The following AKAP3 variants were observed in gnomAD, a reference collection of about 807,000 sequenced individuals.
AKAP3 encodes A-kinase anchoring protein 3.
Under a neutral mutation model 57.2 loss-of-function variants are expected in AKAP3, and 27 were observed. The observed-to-expected ratio is 0.47, with a 90% CI of 0.35 to 0.65. The LOEUF (loss-of-function observed/expected upper bound fraction) is 0.65, where lower values mean the gene tolerates loss of function less well. AKAP3 is among the 30% of genes least tolerant of loss of function. The pLI is 0.01. For missense variants in AKAP3, 959 were observed against 1,040.0 expected, an observed-to-expected ratio of 0.92 and a Z score of 1.07; for synonymous variants, 334 against 392.3, an observed-to-expected ratio of 0.85 and a Z score of 1.76.
intron 2 of AKAP3, among the ~76,000 whole-genome samples, chr12:4,642,930 C>T (rs1945654559): frequency 6.6e-6 from 1 of 152,192 alleles, no homozygotes; most frequent in East Asian, 1.9e-4. Flanking sequence ...AAACAGACGG[C>T]TTGCTCAAAT....
At chr12:4,643,189 C>T (rs1455217278) in intron 2 of AKAP3, among the ~76,000 whole-genome samples, 1 of 152,112 alleles carries the variant, frequency 6.6e-6, no homozygotes, top group Non-Finnish European at 1.5e-5. Flanking sequence ...ATTCTATTTT[C>T]TAGGTCCTAT....
chr12:4,626,359 G>T, intron 5 of AKAP3, 137 bp downstream of exon 5: 1 of 1,070,990 alleles, frequency 9.3e-7, no homozygotes, highest in Non-Finnish European at 1.3e-6. Flanking sequence ...ATCTCTGCCA[G>T]GAGGCATGAT....
chr12:4,635,437 C>T, intron 4 of AKAP3: 1 of 730,248 alleles, frequency 1.4e-6, no homozygotes, highest in Non-Finnish European at 2.4e-6. Context: ...TTTTGTGGTT[C>T]ATTCTTTGGC....
At chr12:4,624,915 A>G (rs924911576) in intron 5 of AKAP3, among the ~76,000 whole-genome samples, 6 of 148,238 alleles carry the variant, frequency 4.0e-5, no homozygotes, top group African/African-American at 1.5e-4. Context: ...TCCAATACAA[A>G]AAAAGTCTAA....
chr12:4,640,523 T>C (rs1164451535), intron 3 of AKAP3, among the ~76,000 whole-genome samples: 1 of 152,194 alleles, frequency 6.6e-6, no homozygotes, highest in East Asian at 1.9e-4. Flanking sequence ...CCAACACAGA[T>C]TAAAGAAAGA....
intron 4 of AKAP3, among the ~76,000 whole-genome samples, chr12:4,637,301 C>A (rs1229091280): frequency 6.6e-6 from 1 of 152,196 alleles, no homozygotes; most frequent in Non-Finnish European, 1.5e-5. Flanking sequence ...CTGGGGGACA[C>A]TGCATGGTCA....
At chr12:4,639,560 A>C (rs185063515) in intron 3 of AKAP3, among the ~76,000 whole-genome samples, 1 of 151,782 alleles carries the variant, frequency 6.6e-6, no homozygotes, top group South Asian at 2.1e-4. Flanking sequence ...ATTTCTCCTA[A>C]TGCTGTCCCT....
At chr12:4,621,579 C>T (rs933976554) in intron 5 of AKAP3, among the ~76,000 whole-genome samples, 2 of 152,132 alleles carry the variant, frequency 1.3e-5, no homozygotes, top group South Asian at 4.1e-4. Flanking sequence ...CAGTAACATG[C>T]TGTATATAAG....
At chr12:4,624,122 C>T in intron 5 of AKAP3, among the ~76,000 whole-genome samples, 1 of 151,968 alleles carries the variant, frequency 6.6e-6, no homozygotes, top group East Asian at 1.9e-4. Context: ...GCATTGCTTA[C>T]AGTGCAGAAT....
chr12:4,621,406 C>T (rs1945346121), intron 5 of AKAP3, among the ~76,000 whole-genome samples: 1 of 152,192 alleles, frequency 6.6e-6, no homozygotes, highest in African/African-American at 2.4e-5. Context: ...ACTCACTCAT[C>T]CAGAGCAACT....
At position 4,648,999 on chromosome 12, in the gene AKAP3, C is replaced by A; in HGVS notation, c.-499G>T. 1.9e-6 allele frequency: 2 copies of A among 1,063,166 alleles called. No homozygotes were observed. Among genetic ancestry groups the A allele is most frequent in the Admixed American group, 2.4e-5 (1 of 41,450 alleles). 65.9% of individuals were successfully genotyped at this position (1,063,166 alleles called of 1,614,324 possible). A position where few individuals can be genotyped will look rare whatever the true frequency, so the allele number is the denominator to read the frequency against. On this transcript the variant is annotated 5_prime_UTR_variant, in exon 1 of 6. Transcript: ENST00000228850. ...TTCACTTTCCCAGCTTTCTTCTTAACCAACAATCTACCCGAAACCGTCGTT... is the reference window on the plus strand; with the variant it reads ...TTCACTTTCCCAGCTTTCTTCTTAAACAACAATCTACCCGAAACCGTCGTT...
In AKAP3 at chr12:4,625,692, TGAGAGAGAGA is replaced by T. The variant is rs77632031; in HGVS notation, c.2406+794_2406+803del. On this transcript the variant is annotated intron_variant, in intron 5 of 5. Coordinates refer to ENST00000228850, the MANE Select transcript of AKAP3 (RefSeq NM_001278309.2). This position sits in a 1 kb window ranked among gnomAD's most constrained non-coding sequence, Gnocchi z 5.4. ...ATCAAAAGCACTGAGGAAGAGAAAA[TGAGAGAGAGA>T]GAGAGAGAGAGAGAGCAAGCGAGCG... Among the ~76,000 whole-genome samples the T allele has an allele frequency of 3.8e-4, 55 of 146,496 alleles. No individual in the cohort carries two copies. Among genetic ancestry groups the T allele is most frequent in the African/African-American group, 1.3e-3 (52 of 39,918 alleles).
intron 5 of AKAP3, among the ~76,000 whole-genome samples, chr12:4,616,981 A>G (rs1433697944): frequency 2.0e-5 from 3 of 152,162 alleles, no homozygotes; most frequent in South Asian, 2.1e-4. Context: ...AGCTCAGGGT[A>G]CCTAAAATAA....
In AKAP3 at chr12:4,615,848, C is replaced by T; in HGVS notation, c.2453G>A (p.Gly818Asp). ...AAAVDKGCSV[G>D]EVLQSVLRYE... ...GCGCAGCACCGACTGCAGAACCTCGCCCACACTGCATCCTTTGTCCACAGC... is the reference window on the plus strand; with the variant it reads ...GCGCAGCACCGACTGCAGAACCTCGTCCACACTGCATCCTTTGTCCACAGC... The change falls in exon 6 of 6, where the codon GGC (glycine) becomes GAC (aspartate). Residue 818 changes from glycine to aspartate, a missense_variant. Physicochemically the swap from Gly to Asp is moderately conservative, Grantham distance 94. Transcript: ENST00000228850. 1 of 1,614,236 alleles carries T rather than the reference C, an allele frequency of 6.2e-7. No individual in the cohort carries two copies. The highest frequency in any genetic ancestry group is 8.5e-7 in the Non-Finnish European group (1 of 1,180,038).
At chr12:4,629,496 G>A (rs1231053577) in intron 4 of AKAP3, among the ~76,000 whole-genome samples, 1 of 152,156 alleles carries the variant, frequency 6.6e-6, no homozygotes, top group African/African-American at 2.4e-5. Flanking sequence ...AGGTAGGGAG[G>A]AGGGAGAGGA....
intron 1 of AKAP3, chr12:4,645,479 C>T (rs915918918): frequency 2.6e-5 from 4 of 152,080 alleles, no homozygotes; most frequent in African/African-American, 7.2e-5. Context: ...AAGCACATTA[C>T]ATTTGTTGTG....
intron 4 of AKAP3, chr12:4,635,520 A>C: frequency 1.5e-6 from 1 of 684,608 alleles, no homozygotes; most frequent in Non-Finnish European, 2.7e-6. Context: ...ATGAATAATA[A>C]ACTATTGTCA....
intron 2 of AKAP3, among the ~76,000 whole-genome samples, chr12:4,643,104 T>C (rs1378416768): frequency 1.3e-5 from 2 of 152,196 alleles, no homozygotes; most frequent in Non-Finnish European, 2.9e-5. Flanking sequence ...TGCTTTTGTA[T>C]TTTTTTCATG....
chr12:4,624,315 ACGTGTG>A (rs141216367), intron 5 of AKAP3, among the ~76,000 whole-genome samples: 4,301 of 146,274 alleles, frequency 0.029, 174 homozygotes, highest in South Asian at 0.11. Flanking sequence ...TTGTGACTTT[ACGTGTG>A]TGTGTGTGTG....
Sources: gnomAD v4.1 joint callset for allele counts (sites outside exome capture counted in the v4.1 genomes callset) on GRCh38, gnomAD v4.1.1 for gene constraint, Gnocchi (gnomAD v3.1) non-coding constraint, MANE v1.5 for transcripts, NCBI Gene and HGNC (gene_info 2026-07-23, HGNC 2026-07-21) for gene names.